XKR4: variants seen among roughly 807,000 people sequenced by gnomAD.
XKR4 encodes XK-related protein 4.
A neutral mutation model predicts 53.9 loss-of-function variants in XKR4; 12 were observed. The ratio of observed to expected loss-of-function variants is 0.22; its 90% CI spans 0.14 to 0.36. The LOEUF is 0.36. XKR4 is among the 10% of genes least tolerant of loss of function. XKR4 has a pLI of 1.00. For synonymous variants in XKR4, 354 were observed against 362.4 expected, an observed-to-expected ratio of 0.98 and a Z score of 0.26; for missense variants, 799 against 859.5, an observed-to-expected ratio of 0.93 and a Z score of 0.88.
intron 1 of XKR4, among the ~76,000 whole-genome samples, chr8:55,245,341 T>C (rs1289539167): frequency 1.3e-5 from 2 of 152,162 alleles, no homozygotes; most frequent in African/African-American, 2.4e-5. Flanking sequence ...TTTACTCTGT[T>C]TCTTTTGCTG....
intron 1 of XKR4, among the ~76,000 whole-genome samples, chr8:55,289,636 A>AG (rs1491394254): frequency 2.9e-5 from 4 of 138,566 alleles, no homozygotes; most frequent in East Asian, 2.1e-4. Context: ...AAAGAAAGAA[A>AG]GAAAGAAAGA....
intron 1 of XKR4, among the ~76,000 whole-genome samples, chr8:55,332,227 T>A (rs1451462411): frequency 6.6e-6 from 1 of 152,164 alleles, no homozygotes; most frequent in Non-Finnish European, 1.5e-5. Context: ...ATTCACTTTT[T>A]ATTATGGATG....
chr8:55,409,160 T>A (rs560206832), intron 2 of XKR4, among the ~76,000 whole-genome samples: 3 of 152,172 alleles, frequency 2.0e-5, no homozygotes, highest in Admixed American at 6.5e-5. Flanking sequence ...TGTGAACCAA[T>A]TCTCAGGCAT....
At chr8:55,138,411 G>A (rs556790701) in intron 1 of XKR4, among the ~76,000 whole-genome samples, 6 of 152,154 alleles carry the variant, frequency 3.9e-5, no homozygotes, top group Non-Finnish European at 8.8e-5. Flanking sequence ...GGAGAAATGC[G>A]AGAAGTTTTT....
intron 1 of XKR4, among the ~76,000 whole-genome samples, chr8:55,112,588 T>TTTTTA (rs61480201): frequency 7.0e-6 from 1 of 143,076 alleles, no homozygotes; most frequent in African/African-American, 2.7e-5. Context: ...TTTTTTTTTT[T>TTTTTA]AGGGAGCAGA....
chr8:55,443,854 AGAAAG>A (rs752131514), intron 2 of XKR4, among the ~76,000 whole-genome samples: 6 of 104,746 alleles, frequency 5.7e-5, no homozygotes, highest in Non-Finnish European at 5.7e-5. Flanking sequence ...AAAAAAAAAA[AGAAAG>A]AAAAGAAAAA....
At chr8:55,300,538 G>A (rs145073678) in intron 1 of XKR4, among the ~76,000 whole-genome samples, 2 of 152,214 alleles carry the variant, frequency 1.3e-5, no homozygotes, top group Non-Finnish European at 2.9e-5. Flanking sequence ...TCATGGGCAT[G>A]AAAGCATCTG....
At chr8:55,389,654 T>C (rs2658943) in intron 2 of XKR4, among the ~76,000 whole-genome samples, 81,868 of 152,012 alleles carry the variant, frequency 0.54, 22,521 homozygotes, top group Middle Eastern at 0.6. Context: ...TCCTGTAGCC[T>C]CTACTCCAGA....
At chr8:55,247,591 T>A (rs1818300984) in intron 1 of XKR4, among the ~76,000 whole-genome samples, 1 of 152,130 alleles carries the variant, frequency 6.6e-6, no homozygotes, top group Non-Finnish European at 1.5e-5. Context: ...ATGAGTCCTA[T>A]ATTCTCTTGA....
chr8:55,450,808 T>C (rs544097782), intron 2 of XKR4: 29 of 512,914 alleles, frequency 5.7e-5, no homozygotes, highest in African/African-American at 5.1e-4. Flanking sequence ...GGATACCACA[T>C]GGGTGGTGAT....
intron 1 of XKR4, among the ~76,000 whole-genome samples, chr8:55,188,418 C>T (rs958420271): frequency 2.0e-5 from 3 of 152,114 alleles, no homozygotes; most frequent in Non-Finnish European, 4.4e-5. Flanking sequence ...TTATAATAAT[C>T]CACAATTTGT....
intron 1 of XKR4, among the ~76,000 whole-genome samples, chr8:55,163,457 C>G (rs1316067040): frequency 6.6e-6 from 1 of 152,206 alleles, no homozygotes; most frequent in Non-Finnish European, 1.5e-5. Flanking sequence ...TCAATGTAGA[C>G]TTCTAAATAT....
At chr8:55,307,270 C>T (rs1819316540) in intron 1 of XKR4, among the ~76,000 whole-genome samples, 1 of 152,128 alleles carries the variant, frequency 6.6e-6, no homozygotes, top group Non-Finnish European at 1.5e-5. Context: ...CTAGAAGTTA[C>T]AAAGAACTCC....
chr8:55,281,544 T>A (rs1818845141), intron 1 of XKR4, among the ~76,000 whole-genome samples: 1 of 152,172 alleles, frequency 6.6e-6, no homozygotes, highest in South Asian at 2.1e-4. Flanking sequence ...TGCATGCCAC[T>A]CACATTGACC....
intron 1 of XKR4, among the ~76,000 whole-genome samples, chr8:55,133,515 A>C (rs891461587): frequency 2.6e-5 from 4 of 152,202 alleles, no homozygotes; most frequent in African/African-American, 9.6e-5. Context: ...TGCTTCATGA[A>C]TAGGAATTGG....
intron 2 of XKR4, among the ~76,000 whole-genome samples, chr8:55,502,180 A>G (rs1399410412): frequency 1.3e-5 from 2 of 152,216 alleles, no homozygotes; most frequent in African/African-American, 4.8e-5. Context: ...TTTTTCAAAT[A>G]TATTTGAATC....
chr8:55,178,125 A>G (rs766615106), intron 1 of XKR4, among the ~76,000 whole-genome samples: 9 of 152,246 alleles, frequency 5.9e-5, no homozygotes, highest in Non-Finnish European at 1.0e-4. Context: ...GCTTGTGTGC[A>G]TACAAATGGA....
rs984288322 is a variant in XKR4 at position 55,537,118 on chromosome 8, C to T, written c.*12891C>T. 8 of 152,168 alleles carry T rather than the reference C, an allele frequency of 5.3e-5. No homozygotes were observed. The highest frequency in any genetic ancestry group is 1.7e-4 in the African/African-American group (7 of 41,440). 9.4% of individuals were successfully genotyped at this position (152,168 alleles called of 1,614,324 possible). A position where few individuals can be genotyped will look rare whatever the true frequency, so the allele number is the denominator to read the frequency against. ...TTCCCAAAACAAACAAAATACCATA[C>T]ATAGTTTTTTGGGTTTGGTTTGTTG... On this transcript the variant is annotated 3_prime_UTR_variant, in exon 3 of 3. Coordinates refer to ENST00000327381, the MANE Select transcript of XKR4 (RefSeq NM_052898.2).
intron 2 of XKR4, among the ~76,000 whole-genome samples, chr8:55,424,323 T>C (rs1396029697): frequency 1.3e-5 from 2 of 152,228 alleles, no homozygotes; most frequent in African/African-American, 2.4e-5. Flanking sequence ...CCATAATTGT[T>C]ATAGTCAACA....
Sources: gnomAD v4.1 joint callset for allele counts (sites outside exome capture counted in the v4.1 genomes callset) on GRCh38, gnomAD v4.1.1 for gene constraint, MANE v1.5 for transcripts, NCBI Gene and HGNC (gene_info 2026-07-23, HGNC 2026-07-21) for gene names.